The following HKDC1 variants were observed in gnomAD, a reference collection of about 807,000 sequenced individuals.
HKDC1 encodes the protein hexokinase domain containing 1.
In HKDC1, 66 loss-of-function variants were observed where a neutral mutation model predicts 96.6. That is an observed-to-expected ratio of 0.68 (90% CI 0.56 to 0.84). HKDC1 has a LOEUF of 0.84. Ranked by LOEUF, HKDC1 falls within the 40% of genes least tolerant of loss-of-function variation. HKDC1 has a pLI of 0.00. For synonymous variants in HKDC1, 466 were observed against 473.1 expected, an observed-to-expected ratio of 0.98 and a Z score of 0.20; for missense variants, 1,211 against 1,208.1, an observed-to-expected ratio of 1.00 and a Z score of -0.04.
chr10:69,263,258 C>T (rs967459207), intron 16 of HKDC1, among the ~76,000 whole-genome samples: 1 of 152,220 alleles, frequency 6.6e-6, no homozygotes, highest in African/African-American at 2.4e-5. Context: ...ACCACCACAC[C>T]TAGCTAATTT....
At chr10:69,248,282 C>T in intron 9 of HKDC1, 142 bp from the exon 10 acceptor site, 1 of 820,132 alleles carries the variant, frequency 1.2e-6, no homozygotes. Flanking sequence ...CTCTCATCCC[C>T]TCCCCTCCCT....
At chr10:69,248,132 G>T (rs528079898) in intron 9 of HKDC1, among the ~76,000 whole-genome samples, 48 of 152,294 alleles carry the variant, frequency 3.2e-4, no homozygotes, top group African/African-American at 1.1e-3. Context: ...AGCTGAGAAA[G>T]AAAATCCTTC....
At chr10:69,223,788 T>C (rs1010383985) in intron 1 of HKDC1, among the ~76,000 whole-genome samples, 2 of 150,658 alleles carry the variant, frequency 1.3e-5, no homozygotes, top group African/African-American at 4.8e-5. Context: ...TTTCGCTGTG[T>C]TGGTCAGGCT....
chr10:69,225,890 G>A (rs959561158), intron 1 of HKDC1: 2 of 152,376 alleles, frequency 1.3e-5, no homozygotes, highest in Admixed American at 6.5e-5. Flanking sequence ...AAGAGGTGAC[G>A]TACGTGGACG....
intron 1 of HKDC1, among the ~76,000 whole-genome samples, chr10:69,220,774 G>A (rs1843047553): frequency 6.6e-6 from 1 of 152,220 alleles, no homozygotes; most frequent in Non-Finnish European, 1.5e-5. Flanking sequence ...AGCTTGAAGA[G>A]GATTGTGTTT....
At chr10:69,221,114 C>T (rs1843055914) in intron 1 of HKDC1, among the ~76,000 whole-genome samples, 1 of 152,056 alleles carries the variant, frequency 6.6e-6, no homozygotes, top group African/African-American at 2.4e-5. Flanking sequence ...CGCGCCATTG[C>T]ACTCCAGCCT....
intron 16 of HKDC1, among the ~76,000 whole-genome samples, chr10:69,264,941 G>A (rs952302823): frequency 6.6e-6 from 1 of 152,172 alleles, no homozygotes; most frequent in African/African-American, 2.4e-5. Context: ...TTCTCTGCAT[G>A]TGTTTACAGT....
At chr10:69,255,377 G>A (rs60679332) in intron 12 of HKDC1, among the ~76,000 whole-genome samples, 4,512 of 152,308 alleles carry the variant, frequency 0.03, 201 homozygotes, top group African/African-American at 0.1. Flanking sequence ...AACTATGGAG[G>A]GAAGGAGGGA....
At chr10:69,258,468 AATG>A (rs752141429) in intron 14 of HKDC1, among the ~76,000 whole-genome samples, 8 of 152,048 alleles carry the variant, frequency 5.3e-5, no homozygotes, top group Non-Finnish European at 7.4e-5. Flanking sequence ...TAACAAAGAT[AATG>A]ATGATGATGA....
At chr10:69,259,933 T>C (rs559363941) in intron 15 of HKDC1, among the ~76,000 whole-genome samples, 2 of 152,152 alleles carry the variant, frequency 1.3e-5, no homozygotes, top group East Asian at 3.9e-4. Flanking sequence ...GGGACATAAA[T>C]CCAAATCATA....
Position 69,248,722 on chromosome 10 carries a change from G to A in HKDC1, c.1564G>A (p.Gly522Ser), listed in dbSNP as rs752071876. The A allele has an allele frequency of 6.4e-5, 102 of 1,601,124 alleles. No individual in the cohort carries two copies. In the Admixed American group the frequency reaches 1.2e-3, roughly 19 times the overall value. Reference sequence around the variant, plus strand: ...CACCTACGTCTGCGGGCTGCCGGACGGCACAGGTGGGCCAGCACAGCCTCC... The same window carrying A: ...CACCTACGTCTGCGGGCTGCCGGACAGCACAGGTGGGCCAGCACAGCCTCC... ...LPTYVCGLPD[G>S]TEKGKFLALD... The change falls in exon 10 of 18, where the codon GGC becomes AGC. Residue 522 changes from glycine to serine, a missense_variant. Gly to Ser is a moderately conservative substitution (Grantham distance 56). Transcript: ENST00000354624.
At chr10:69,260,612 T>C (rs1208389737) in intron 15 of HKDC1, among the ~76,000 whole-genome samples, 1 of 152,198 alleles carries the variant, frequency 6.6e-6, no homozygotes, top group Non-Finnish European at 1.5e-5. Context: ...CTGCAAGCAG[T>C]GGCAGTCTGG....
rs1396449043 is a variant in HKDC1 at position 69,233,023 on chromosome 10, T to C, written c.385T>C (p.Tyr129His). ...TTTCTCTTCTCTGCAGCTGTTTGAA[T>C]ATGTAGCTGACTGTCTGGCAGATTT... ...IRGNGTELFE[Y>H]VADCLADFMK... Residue 129 changes from tyrosine (Y) to histidine (H), a missense_variant, in exon 4 of 18, where the codon TAT becomes CAT. Tyr to His is a moderately conservative substitution (Grantham distance 83). Transcript: ENST00000354624. The C allele has an allele frequency of 6.2e-7, 1 of 1,614,098 alleles. No individual in the cohort carries two copies. The highest frequency in any genetic ancestry group is 1.7e-5 in the Admixed American group (1 of 60,022).
intron 12 of HKDC1, among the ~76,000 whole-genome samples, chr10:69,255,807 C>T (rs560429625): frequency 1.3e-5 from 2 of 151,878 alleles, no homozygotes; most frequent in Non-Finnish European, 2.9e-5. Context: ...GTCCCAGCTA[C>T]TCAGGAGGCT....
intron 10 of HKDC1, among the ~76,000 whole-genome samples, chr10:69,249,562 C>G (rs1843602965): frequency 6.6e-6 from 1 of 152,224 alleles, no homozygotes; most frequent in African/African-American, 2.4e-5. Context: ...GTAGCGTGAT[C>G]TCCGCTCACT....
rs1298495494 is a variant in HKDC1 at position 69,250,197 on chromosome 10, C to T, written c.1571-93C>T. Reference sequence around the variant, plus strand: ...TCTATGAGGCCCAGGAGTGCAGGCCCTGGGTCCGCTCTGCTCCGACGTCTC... The same window carrying T: ...TCTATGAGGCCCAGGAGTGCAGGCCTTGGGTCCGCTCTGCTCCGACGTCTC... On this transcript the variant is annotated intron_variant, in intron 10 of 17. Transcript: ENST00000354624. 9 of 1,413,980 alleles carry T rather than the reference C, an allele frequency of 6.4e-6. No homozygotes were observed. The South Asian group carries it at 7.8e-5, about 12-fold the overall frequency. The allele number at this position is 1,413,980 out of a possible 1,614,324, so 87.6% of individuals were successfully genotyped here. A position where few individuals can be genotyped will look rare whatever the true frequency, so the allele number is the denominator to read the frequency against.
chr10:69,265,730 A>G lies in HKDC1; in HGVS notation c.2518A>G (p.Ile840Val), dbSNP rs767957691. The change falls in exon 17 of 18, where the codon ATA becomes GTA. Residue 840 changes from isoleucine (I) to valine (V), a missense_variant. Physicochemically the swap from Ile to Val is conservative, Grantham distance 29. Transcript: ENST00000354624. Reference sequence around the variant, plus strand: ...GCTCTGCGGTGCTGGCCTGGCCGCTATAGTGGAAAAAAGGAGAGAAGACCA... The same window carrying G: ...GCTCTGCGGTGCTGGCCTGGCCGCTGTAGTGGAAAAAAGGAGAGAAGACCA... ...AQLCGAGLAA[I>V]VEKRREDQGL... 1.2e-6 allele frequency: 2 copies of G among 1,613,472 alleles called. No homozygotes were observed. The highest frequency in any genetic ancestry group is 1.7e-6 in the Non-Finnish European group (2 of 1,179,846).
intron 12 of HKDC1, among the ~76,000 whole-genome samples, chr10:69,253,638 G>A (rs893875459): frequency 1.3e-5 from 2 of 152,226 alleles, no homozygotes; most frequent in African/African-American, 4.8e-5. Context: ...CATAGCGTGG[G>A]TCTAGCACCT....
chr10:69,261,959 T>C (rs57019410), intron 16 of HKDC1: 137 of 253,672 alleles, frequency 5.4e-4, no homozygotes, highest in African/African-American at 3.0e-3. Context: ...CAAAAACTCA[T>C]AGTTAGACCC....
Sources: gnomAD v4.1 joint callset for allele counts (sites outside exome capture counted in the v4.1 genomes callset) on GRCh38, gnomAD v4.1.1 for gene constraint, MANE v1.5 for transcripts, NCBI Gene and HGNC (gene_info 2026-07-23, HGNC 2026-07-21) for gene names.